The following ZNF827 variants were observed in gnomAD, a reference collection of about 807,000 sequenced individuals.
ZNF827 encodes zinc finger protein 827.
Under a neutral mutation model 102.4 loss-of-function variants are expected in ZNF827, and 13 were observed. That is an observed-to-expected ratio of 0.13 (90% CI 0.08 to 0.20). The LOEUF (loss-of-function observed/expected upper bound fraction) is 0.20. Among genes scored for constraint, ZNF827 ranks in the 10% least tolerant of loss-of-function variants. The pLI, the probability that ZNF827 is intolerant of heterozygous loss-of-function variation, is 1.00. For missense variants in ZNF827, 1,103 were observed against 1,344.4 expected (o/e 0.82, Z 2.81); for synonymous variants, 523 against 536.2 (o/e 0.98, Z 0.34).
Position 145,765,883 on chromosome 4 carries a change from G to A in ZNF827, c.2861-145C>T, listed in dbSNP as rs1291391464. ...GTCCCCAGCTCCCCCACTGCTGGGG[G>A]ATCCCAGGTCCTAAGGCACCTACCT... On this transcript the variant is annotated intron_variant, in intron 11 of 14. Coordinates refer to ENST00000508784, the MANE Select transcript of ZNF827 (RefSeq NM_001306215.2). The surrounding 1 kb of genome is among the most constrained non-coding windows in gnomAD (Gnocchi z 4.7). 1 of 759,856 alleles carries A rather than the reference G, an allele frequency of 1.3e-6. No individual in the cohort carries two copies. The highest frequency in any genetic ancestry group is 2.1e-5 in the South Asian group (1 of 48,774). The allele number at this position is 759,856 out of a possible 1,614,324, so 47.1% of individuals were successfully genotyped here. A position where few individuals can be genotyped will look rare whatever the true frequency, so the allele number is the denominator to read the frequency against.
intron 8 of ZNF827, among the ~76,000 whole-genome samples, chr4:145,818,437 T>C (rs1326881680): frequency 1.3e-5 from 2 of 152,232 alleles, no homozygotes; most frequent in African/African-American, 2.4e-5. Flanking sequence ...ATGACATATG[T>C]CCTGTGCCTG....
Position 145,892,398 on chromosome 4 carries a change from C to T in ZNF827, c.1111G>A (p.Gly371Arg), listed in dbSNP as rs756798998. Reference protein sequence around the residue: ...PSNSASEEESGKPFQCPICGL... With the variant: ...PSNSASEEESRKPFQCPICGL... The stretch of plus-strand genomic sequence containing the variant: ...CATATTGGACACTGGAAAGGCTTTC[C>T]ACTTTCCTCTTCTGAGGCTTGGAAG... Residue 371 changes from glycine to arginine, a missense_variant, in exon 3 of 15, where the codon GGA becomes AGA. Around this residue, in one of 5 missense-constraint regions of ZNF827, gnomAD observed 441 missense variants for 458.6 expected, o/e 0.96. Transcript: ENST00000508784. 6.2e-6 allele frequency: 10 copies of T among 1,613,572 alleles called. No homozygotes were observed. Among genetic ancestry groups the T allele is most frequent in the Non-Finnish European group, 8.5e-6 (10 of 1,179,768 alleles).
intron 5 of ZNF827, among the ~76,000 whole-genome samples, chr4:145,854,924 G>A (rs976654117): frequency 6.6e-6 from 1 of 151,094 alleles, no homozygotes; most frequent in African/African-American, 2.4e-5. Context: ...TCTGCACTGA[G>A]CTCTCAGGGG....
chr4:145,876,452 TG>T (rs1330516012), intron 4 of ZNF827: 2 of 152,260 alleles, frequency 1.3e-5, no homozygotes, highest in African/African-American at 4.8e-5. Context: ...GTGTGCTTGG[TG>T]CAGCTTTTGA....
chr4:145,805,534 C>A (rs1741335783), intron 8 of ZNF827, among the ~76,000 whole-genome samples: 1 of 152,206 alleles, frequency 6.6e-6, no homozygotes, highest in South Asian at 2.1e-4. Context: ...CAGCAAATTA[C>A]CTTTCTTTGC....
intron 8 of ZNF827, among the ~76,000 whole-genome samples, chr4:145,792,016 A>G (rs1171418414): frequency 6.6e-6 from 1 of 151,902 alleles, no homozygotes; most frequent in Non-Finnish European, 1.5e-5. Flanking sequence ...CTTTGCAAAA[A>G]CCTCTGCTTT....
At chr4:145,853,615 CA>C (rs200790274) in intron 5 of ZNF827, among the ~76,000 whole-genome samples, 4 of 150,192 alleles carry the variant, frequency 2.7e-5, no homozygotes, top group South Asian at 2.1e-4. Context: ...CACAAAAAAA[CA>C]AAAAAAAACT....
At chr4:145,890,032 A>G (rs1389910408) in intron 3 of ZNF827, among the ~76,000 whole-genome samples, 1 of 152,070 alleles carries the variant, frequency 6.6e-6, no homozygotes. Context: ...TCTCTGGTGG[A>G]TGTAGCAGAG....
In ZNF827 at chr4:145,892,391, G is replaced by A. The variant is rs763969201; in HGVS notation, c.1118C>T (p.Pro373Leu). ...CAAACCACATATTGGACACTGGAAA[G>A]GCTTTCCACTTTCCTCTTCTGAGGC... ...NSASEEESGK[P>L]FQCPICGLVI... The change falls in exon 3 of 15, where the codon CCT becomes CTT. Residue 373 changes from proline (P) to leucine (L), a missense_variant. Coordinates refer to ENST00000508784, the MANE Select transcript of ZNF827 (RefSeq NM_001306215.2). The A allele has an allele frequency of 6.2e-6, 10 of 1,613,922 alleles. No individual in the cohort carries two copies. The highest frequency in any genetic ancestry group is 8.5e-6 in the Non-Finnish European group (10 of 1,179,888).
intron 5 of ZNF827, among the ~76,000 whole-genome samples, chr4:145,862,480 A>G (rs1291866855): frequency 1.3e-5 from 2 of 152,216 alleles, no homozygotes; most frequent in Non-Finnish European, 2.9e-5. Flanking sequence ...GGCTAAAAAA[A>G]GTCTAATTCT....
intron 5 of ZNF827, among the ~76,000 whole-genome samples, chr4:145,869,290 A>C (rs1407458978): frequency 6.6e-6 from 1 of 152,170 alleles, no homozygotes; most frequent in Non-Finnish European, 1.5e-5. Context: ...TTTCCAACCC[A>C]CTAGTCAACC....
At chr4:145,818,031 A>C (rs575005139) in intron 8 of ZNF827, among the ~76,000 whole-genome samples, 8 of 152,406 alleles carry the variant, frequency 5.2e-5, no homozygotes, top group Admixed American at 1.3e-4. Flanking sequence ...TAGAAATAGA[A>C]GAGAATACAA....
intron 3 of ZNF827, among the ~76,000 whole-genome samples, chr4:145,890,331 C>T (rs1035187371): frequency 6.6e-6 from 1 of 152,254 alleles, no homozygotes; most frequent in African/African-American, 2.4e-5. Flanking sequence ...ACTGCTTTAT[C>T]GTACTGGTTA....
In ZNF827 at chr4:145,798,178, C is replaced by T. The variant is rs1740552650; in HGVS notation, c.2384-18667G>A. On this transcript the variant is annotated intron_variant, in intron 8 of 14. Coordinates refer to ENST00000508784, the MANE Select transcript of ZNF827 (RefSeq NM_001306215.2). ...GGTTATAACCTATAGAAAAGACAGC[C>T]TGCTCCTTTCAAGCAATATATATGG... Among the ~76,000 whole-genome samples, 4 of 152,302 alleles carry T rather than the reference C, an allele frequency of 2.6e-5. No individual in the cohort carries two copies. The South Asian group carries it at 8.3e-4, about 32-fold the overall frequency.
rs1049125776 is a variant in ZNF827, at chr4:145,888,928, G to C, written c.1267-2770C>G. ...ATTATGAAGGAAAGGTGGGCTAAAA[G>C]AATGTACAGTGCCTAGGACATAATA... On this transcript the variant is annotated intron_variant, in intron 3 of 14. Coordinates refer to ENST00000508784, the MANE Select transcript of ZNF827 (RefSeq NM_001306215.2). Among the ~76,000 whole-genome samples the C allele has an allele frequency of 5.9e-5, 9 of 152,196 alleles. No individual in the cohort carries two copies. In the South Asian group the frequency reaches 1.7e-3, roughly 28 times the overall value.
chr4:145,926,148 A>G (rs1753402431), intron 1 of ZNF827, among the ~76,000 whole-genome samples: 1 of 152,208 alleles, frequency 6.6e-6, no homozygotes, highest in Non-Finnish European at 1.5e-5. Flanking sequence ...TCCCTGACAC[A>G]CTTTGCTCAA....
chr4:145,899,827 G>A (rs1381681429), intron 2 of ZNF827, among the ~76,000 whole-genome samples: 2 of 152,040 alleles, frequency 1.3e-5, no homozygotes, highest in Admixed American at 6.6e-5. Flanking sequence ...ATCAGCACAG[G>A]GTTCTATAAC....
rs1190807886 is a variant in ZNF827 at position 145,765,161 on chromosome 4, G to A, written c.3057C>T (p.Phe1019=). 2.5e-6 allele frequency: 4 copies of A among 1,606,116 alleles called. No homozygotes were observed. The highest frequency in any genetic ancestry group is 2.2e-5 in the East Asian group (1 of 44,880). The change falls in exon 13 of 15, where the codon TTC becomes TTT. Residue 1019 remains phenylalanine, a synonymous_variant. Coordinates refer to ENST00000508784, the MANE Select transcript of ZNF827 (RefSeq NM_001306215.2). This position sits in a 1 kb window ranked among gnomAD's most constrained non-coding sequence, Gnocchi z 4.7. The stretch of plus-strand genomic sequence containing the variant: ...AGACAAAGTTGCAAAAAACACATTC[G>A]AACCCTGCAAGGACCGAAGCTGGGT... ...LNSEEKPEKG[F]ECVFCNFVCK... is the part of the protein sequence containing the mutation.
At chr4:145,898,269 T>TA in intron 2 of ZNF827, among the ~76,000 whole-genome samples, 1 of 152,268 alleles carries the variant, frequency 6.6e-6, no homozygotes, top group African/African-American at 2.4e-5. Flanking sequence ...ACATAAATAT[T>TA]AAAGAAAACA....
Sources: allele counts gnomAD v4.1 joint callset (sites outside exome capture counted in the v4.1 genomes callset), GRCh38; gene constraint gnomAD v4.1.1; regional missense constraint gnomAD v4.1.1; non-coding constraint Gnocchi (gnomAD v3.1); transcripts MANE v1.5; gene names NCBI Gene and HGNC (gene_info 2026-07-23, HGNC 2026-07-21).